Variants in ST6GALNAC5 observed in about 807,000 individuals in gnomAD.
ST6GALNAC5 encodes the protein alpha-N-acetylgalactosaminide alpha-2,6-sialyltransferase 5.
In ST6GALNAC5, 27 loss-of-function variants were observed where a neutral mutation model predicts 33.6. That is an observed-to-expected ratio of 0.80 (90% CI 0.59 to 1.11). The LOEUF is 1.11. Among genes scored for constraint, ST6GALNAC5 ranks in the 50% least tolerant of loss-of-function variants. The pLI is 0.00. For synonymous variants in ST6GALNAC5, 194 were observed against 171.2 expected, an observed-to-expected ratio of 1.13 and a Z score of -1.04; for missense variants, 428 against 454.0, an observed-to-expected ratio of 0.94 and a Z score of 0.52.
intron 2 of ST6GALNAC5, among the ~76,000 whole-genome samples, chr1:76,963,665 C>G (rs1368356183): frequency 2.0e-5 from 3 of 152,210 alleles, no homozygotes; most frequent in African/African-American, 7.2e-5. Context: ...TTTATGTCCT[C>G]TTTTGTCCAT....
rs34309736 is a variant in ST6GALNAC5 at position 76,936,953 on chromosome 1, G to GGTGTGTGTGTGTGT, written c.261+68234_261+68247dup. On this transcript the variant is annotated intron_variant, in intron 2 of 4. Transcript: ENST00000477717. ...AGTCAGGAGACTGGAAGAGAAGCAG[G>GGTGTGTGTGTGTGT]GTGTGTGTGTGTGTGTGTGTGTGTG... 3.4e-4 allele frequency among the ~76,000 whole-genome samples: 47 copies of GGTGTGTGTGTGTGT among 140,036 alleles called. 1 individual carries two copies. Among genetic ancestry groups the GGTGTGTGTGTGTGT allele is most frequent in the African/African-American group, 9.0e-4 (34 of 37,786 alleles). 91.9% of individuals were successfully genotyped at this position (140,036 alleles called of 152,430 possible). A position where few individuals can be genotyped will look rare whatever the true frequency, so the allele number is the denominator to read the frequency against.
intron 2 of ST6GALNAC5, among the ~76,000 whole-genome samples, chr1:77,018,044 G>C (rs1650914504): frequency 6.6e-6 from 1 of 152,164 alleles, no homozygotes; most frequent in Non-Finnish European, 1.5e-5. Flanking sequence ...ATCCATCAGA[G>C]ATCCTTCATT....
At position 77,063,327 on chromosome 1, in the gene ST6GALNAC5, C is replaced by T; in HGVS notation, c.*121C>T. On this transcript the variant is annotated 3_prime_UTR_variant, in exon 5 of 5. Coordinates refer to ENST00000477717, the MANE Select transcript of ST6GALNAC5 (RefSeq NM_030965.3). ...AAACAGCTTCACTCCTCAGGAAGTA[C>T]CATGGACAGACGCCTACCAGGGGTG... 1.2e-6 allele frequency: 1 copy of T among 846,702 alleles called. No homozygotes were observed. Among genetic ancestry groups the T allele is most frequent in the Admixed American group, 2.5e-5 (1 of 39,692 alleles). The allele number at this position is 846,702 out of a possible 1,614,324, so 52.4% of individuals were successfully genotyped here.
At chr1:76,894,820 C>T (rs1055568857) in intron 2 of ST6GALNAC5, among the ~76,000 whole-genome samples, 1 of 152,072 alleles carries the variant, frequency 6.6e-6, no homozygotes, top group Non-Finnish European at 1.5e-5. Context: ...ATTTCACTCG[C>T]GTCCATGTGA....
chr1:76,868,629 G>A lies in ST6GALNAC5; in HGVS notation c.148G>A (p.Ala50Thr), dbSNP rs1653415966. Reference protein sequence around the residue: ...QQQQQQQQQQASATGSSQPAA... With the variant: ...QQQQQQQQQQTSATGSSQPAA... Reference sequence around the variant, plus strand: ...GCAGCAGCAGCAACAGCAGCAGCAGGCGTCGGCCACCGGCAGCTCGCAGCC... The same window carrying A: ...GCAGCAGCAGCAACAGCAGCAGCAGACGTCGGCCACCGGCAGCTCGCAGCC... The change falls in exon 2 of 5, where the codon GCG becomes ACG. Residue 50 changes from alanine (A) to threonine (T), a missense_variant. By Grantham distance (58) the Ala-to-Thr change is moderately conservative. Coordinates refer to ENST00000477717, the MANE Select transcript of ST6GALNAC5 (RefSeq NM_030965.3). This position sits in a 1 kb window ranked among gnomAD's most constrained non-coding sequence, Gnocchi z 4.3. 3 of 1,609,770 alleles carry A rather than the reference G, an allele frequency of 1.9e-6. No individual in the cohort carries two copies. The highest frequency in any genetic ancestry group is 2.7e-5 in the African/African-American group (2 of 74,834).
chr1:77,048,767 G>A (rs182372750), intron 3 of ST6GALNAC5, among the ~76,000 whole-genome samples: 35 of 152,292 alleles, frequency 2.3e-4, no homozygotes, highest in African/African-American at 2.4e-4. Flanking sequence ...AGATGTCAAC[G>A]TACCAACATA....
chr1:76,917,041 C>A (rs1005495172), intron 2 of ST6GALNAC5, among the ~76,000 whole-genome samples: 1 of 152,064 alleles, frequency 6.6e-6, no homozygotes, highest in African/African-American at 2.4e-5. Flanking sequence ...AGAATAACTC[C>A]CTCAGGGTGA....
intron 2 of ST6GALNAC5, among the ~76,000 whole-genome samples, chr1:76,960,870 T>C (rs1471777401): frequency 6.6e-6 from 1 of 152,182 alleles, no homozygotes; most frequent in African/African-American, 2.4e-5. Flanking sequence ...AGATTTCATA[T>C]TGTTCAAACA....
Position 76,908,740 on chromosome 1 carries a change from C to T in ST6GALNAC5, c.261+39998C>T, listed in dbSNP as rs144326452. On this transcript the variant is annotated intron_variant, in intron 2 of 4. Coordinates refer to ENST00000477717, the MANE Select transcript of ST6GALNAC5 (RefSeq NM_030965.3). ...CTCTGAGGTATGTAAGCTCTGTAAC[C>T]GCAGGGTTCCTGTCTTTCTTGTTCA... is the stretch of plus-strand genomic sequence containing the variant. Among the ~76,000 whole-genome samples the T allele has an allele frequency of 6.6e-5, 10 of 152,208 alleles. No individual in the cohort carries two copies. The East Asian group carries it at 1.2e-3, about 18-fold the overall frequency.
chr1:77,016,656 C>T (rs138005653), intron 2 of ST6GALNAC5, among the ~76,000 whole-genome samples: 6 of 152,210 alleles, frequency 3.9e-5, no homozygotes, highest in Middle Eastern at 3.4e-3. Flanking sequence ...GTAAACTGAA[C>T]GCTGACTTGG....
At chr1:77,048,778 C>A (rs186955088) in intron 3 of ST6GALNAC5, among the ~76,000 whole-genome samples, 1 of 152,294 alleles carries the variant, frequency 6.6e-6, no homozygotes, top group Admixed American at 6.5e-5. Context: ...TACCAACATA[C>A]CAAACTTGGT....
rs576765727 is a variant in ST6GALNAC5, at chr1:76,946,218, G to A, written c.261+77476G>A. 4.3e-4 allele frequency among the ~76,000 whole-genome samples: 65 copies of A among 152,066 alleles called. 1 individual carries two copies. The South Asian group carries it at 6.9e-3, about 16-fold the overall frequency. On this transcript the variant is annotated intron_variant, in intron 2 of 4. Transcript: ENST00000477717. ...ACCATCCTGATGTAAATTAGACACC[G>A]AAAGTATACACTTTACCTCCACTAT...
Position 76,868,060 on chromosome 1 carries a change from T to C in ST6GALNAC5, c.15+370T>C, listed in dbSNP as rs1653386264. Among the ~76,000 whole-genome samples, 2 of 152,124 alleles carry C rather than the reference T, an allele frequency of 1.3e-5. No individual in the cohort carries two copies. Among genetic ancestry groups the C allele is most frequent in the East Asian group, 3.9e-4 (2 of 5,162 alleles). Reference sequence around the variant, plus strand: ...GGGGAGGGGGGACCTTTGCAGACTTTCTTCGTTTTCTTAGATTTCAAACTT... The same window carrying C: ...GGGGAGGGGGGACCTTTGCAGACTTCCTTCGTTTTCTTAGATTTCAAACTT... On this transcript the variant is annotated intron_variant, in intron 1 of 4. Coordinates refer to ENST00000477717, the MANE Select transcript of ST6GALNAC5 (RefSeq NM_030965.3). This position sits in a 1 kb window ranked among gnomAD's most constrained non-coding sequence, Gnocchi z 4.3.
chr1:76,895,005 T>C (rs1570646928), intron 2 of ST6GALNAC5, among the ~76,000 whole-genome samples: 1 of 150,976 alleles, frequency 6.6e-6, no homozygotes, highest in African/African-American at 2.4e-5. Context: ...GCGGGCAGAG[T>C]GGGGGTCACA....
chr1:76,964,284 T>C (rs1015789593), intron 2 of ST6GALNAC5, among the ~76,000 whole-genome samples: 1 of 152,178 alleles, frequency 6.6e-6, no homozygotes. Context: ...TCTTACGGAT[T>C]TCCCTGCTTC....
intron 2 of ST6GALNAC5, among the ~76,000 whole-genome samples, chr1:76,877,830 A>G (rs539667929): frequency 1.3e-5 from 2 of 152,314 alleles, no homozygotes; most frequent in African/African-American, 2.4e-5. Context: ...CAGGACAGTA[A>G]AGGTATATTC....
At position 77,063,787 on chromosome 1, in the gene ST6GALNAC5, T is replaced by C. The variant is rs1652680765; in HGVS notation, c.*581T>C. 6.5e-6 allele frequency: 1 copy of C among 154,170 alleles called. No homozygotes were observed. The allele number at this position is 154,170 out of a possible 1,614,324, so 9.6% of individuals were successfully genotyped here. On this transcript the variant is annotated 3_prime_UTR_variant, in exon 5 of 5. Coordinates refer to ENST00000477717, the MANE Select transcript of ST6GALNAC5 (RefSeq NM_030965.3). ...AGTATTTTTATAGATTATGATTATGTGGTAATTTATCCTTCCTAACTCTTT... is the reference window on the plus strand; with the variant it reads ...AGTATTTTTATAGATTATGATTATGCGGTAATTTATCCTTCCTAACTCTTT...
chr1:76,959,504 A>G (rs1161782317), intron 2 of ST6GALNAC5, among the ~76,000 whole-genome samples: 3 of 152,200 alleles, frequency 2.0e-5, no homozygotes, highest in Admixed American at 2.0e-4. Context: ...TTGCTTAGCA[A>G]TGGACAGATG....
chr1:76,868,917 T>G lies in ST6GALNAC5; in HGVS notation c.261+175T>G. 9.3e-7 allele frequency: 1 copy of G among 1,070,238 alleles called. No homozygotes were observed. Among genetic ancestry groups the G allele is most frequent in the Non-Finnish European group, 1.3e-6 (1 of 787,794 alleles). The allele number at this position is 1,070,238 out of a possible 1,614,324, so 66.3% of individuals were successfully genotyped here. A position where few individuals can be genotyped will look rare whatever the true frequency, so the allele number is the denominator to read the frequency against. On this transcript the variant is annotated intron_variant, in intron 2 of 4. Transcript: ENST00000477717. The surrounding 1 kb of genome is among the most constrained non-coding windows in gnomAD (Gnocchi z 4.3). ...TTCCAACTTGGTATGAATTCTTATT[T>G]GGAGAAAGACACAAAGTTTTGTAGA...
Sources: gnomAD v4.1 joint callset for allele counts (sites outside exome capture counted in the v4.1 genomes callset) on GRCh38, gnomAD v4.1.1 for gene constraint, Gnocchi (gnomAD v3.1) non-coding constraint, MANE v1.5 for transcripts, NCBI Gene and HGNC (gene_info 2026-07-23, HGNC 2026-07-21) for gene names.